PRR5L: variants seen among roughly 807,000 people sequenced by gnomAD.
PRR5L encodes proline-rich protein 5-like.
A neutral mutation model predicts 36.4 loss-of-function variants in PRR5L; 21 were observed. That is an observed-to-expected ratio of 0.58 (90% CI 0.41 to 0.83). The LOEUF is 0.83. Ranked by LOEUF, PRR5L falls within the 40% of genes least tolerant of loss-of-function variation. The pLI is 0.00. For synonymous variants in PRR5L, 188 were observed against 197.0 expected (o/e 0.95, Z 0.38); for missense variants, 381 against 473.3 (o/e 0.80, Z 1.81).
intron 1 of PRR5L, among the ~76,000 whole-genome samples, chr11:36,355,055 T>C (rs1857011993): frequency 6.6e-6 from 1 of 152,188 alleles, no homozygotes; most frequent in Non-Finnish European, 1.5e-5. Context: ...TTAGAATCTG[T>C]TCCTCATTAA....
chr11:36,351,218 A>ATATATATATTTATATATATT (rs1474637146), intron 1 of PRR5L, among the ~76,000 whole-genome samples: 1 of 91,170 alleles, frequency 1.1e-5, no homozygotes, highest in South Asian at 3.5e-4. Context: ...AAATATATAA[A>ATATATATATTTATATATATT]TATATATATT....
chr11:36,348,599 C>T (rs901824766), intron 1 of PRR5L, among the ~76,000 whole-genome samples: 3 of 152,194 alleles, frequency 2.0e-5, no homozygotes, highest in African/African-American at 7.2e-5. Context: ...TCTCACATGG[C>T]TGTGTCATAA....
rs554983720 is a variant in PRR5L, at chr11:36,304,393, G to A, written c.-126+7955G>A. The stretch of plus-strand genomic sequence containing the variant: ...AATGGCAAAAATCCCTGCTCTCATG[G>A]AGCTTTTATTTTAGGGGATATTGTG... On this transcript the variant is annotated intron_variant, in intron 1 of 8. Coordinates refer to ENST00000530639, the MANE Select transcript of PRR5L (RefSeq NM_001160167.2). Among the ~76,000 whole-genome samples the A allele has an allele frequency of 7.0e-4, 106 of 152,258 alleles. 2 individuals are homozygous for A. The South Asian group carries it at 0.017, about 24-fold the overall frequency.
intron 3 of PRR5L, 100 bp downstream of exon 3, chr11:36,403,478 T>TTC (rs1564937945): frequency 3.6e-6 from 3 of 822,924 alleles, no homozygotes; most frequent in Non-Finnish European, 5.7e-6. Context: ...TTTTTTTTTT[T>TTC]TCCTGCTTGA....
intron 3 of PRR5L, among the ~76,000 whole-genome samples, chr11:36,412,068 C>T (rs939148307): frequency 6.6e-6 from 1 of 152,128 alleles, no homozygotes; most frequent in Admixed American, 6.5e-5. Context: ...ATCCTCCCCA[C>T]ATTCTAGGTG....
intron 1 of PRR5L, among the ~76,000 whole-genome samples, chr11:36,353,150 G>C (rs533554300): frequency 3.3e-5 from 5 of 152,056 alleles, no homozygotes; most frequent in Non-Finnish European, 5.9e-5. Flanking sequence ...TGTCTTGCAC[G>C]TCATATGTTC....
At chr11:36,432,282 C>A (rs1858516778) in intron 5 of PRR5L, among the ~76,000 whole-genome samples, 1 of 152,104 alleles carries the variant, frequency 6.6e-6, no homozygotes, top group African/African-American at 2.4e-5. Flanking sequence ...CTGTCCCGAG[C>A]TATTTCCTAC....
chr11:36,345,388 C>T (rs548165950), intron 1 of PRR5L, among the ~76,000 whole-genome samples: 2 of 152,138 alleles, frequency 1.3e-5, no homozygotes, highest in Admixed American at 6.5e-5. Flanking sequence ...GTGTGTAACC[C>T]GCCGTAGGGA....
intron 8 of PRR5L, among the ~76,000 whole-genome samples, chr11:36,461,779 C>A (rs1224540533): frequency 6.6e-6 from 1 of 152,300 alleles, no homozygotes; most frequent in Non-Finnish European, 1.5e-5. Flanking sequence ...GTCTGAGACC[C>A]TTCACCTGGC....
intron 6 of PRR5L, among the ~76,000 whole-genome samples, chr11:36,445,746 T>C (rs566356595): frequency 1.1e-4 from 16 of 152,334 alleles, no homozygotes; most frequent in Non-Finnish European, 1.2e-4. Context: ...TAGAATTTAA[T>C]ACATGTTAGC....
chr11:36,388,698 C>CTTTTTTT (rs36056659), intron 1 of PRR5L, among the ~76,000 whole-genome samples: 11 of 109,128 alleles, frequency 1.0e-4, no homozygotes, highest in East Asian at 5.2e-4. Flanking sequence ...CTCTTTCTTT[C>CTTTTTTT]TTTTTTTTTT....
chr11:36,395,151 C>A (rs1260875859), intron 1 of PRR5L, among the ~76,000 whole-genome samples: 1 of 152,146 alleles, frequency 6.6e-6, no homozygotes, highest in Non-Finnish European at 1.5e-5. Flanking sequence ...CCCACAGATT[C>A]GCTCATTCTT....
intron 1 of PRR5L, among the ~76,000 whole-genome samples, chr11:36,301,423 C>G (rs1311709166): frequency 6.6e-6 from 1 of 152,118 alleles, no homozygotes; most frequent in African/African-American, 2.4e-5. Context: ...GAAGCCCTGG[C>G]TGAGATCATG....
At chr11:36,408,532 A>G (rs546694232) in intron 3 of PRR5L, among the ~76,000 whole-genome samples, 2 of 152,268 alleles carry the variant, frequency 1.3e-5, no homozygotes, top group South Asian at 4.1e-4. Context: ...CTAAATTTCC[A>G]TCTGCCAGAG....
intron 1 of PRR5L, among the ~76,000 whole-genome samples, chr11:36,314,734 A>T (rs760663104): frequency 1.5e-4 from 23 of 152,190 alleles, no homozygotes; most frequent in Non-Finnish European, 3.1e-4. Context: ...AGATTCATTG[A>T]TGTATGAAGA....
intron 1 of PRR5L, among the ~76,000 whole-genome samples, chr11:36,389,757 C>T (rs746834770): frequency 2.0e-5 from 3 of 151,948 alleles, no homozygotes; most frequent in African/African-American, 4.8e-5. Context: ...GGATTACAGG[C>T]GCCCGCCACC....
intron 1 of PRR5L, among the ~76,000 whole-genome samples, chr11:36,319,829 A>G (rs1040152939): frequency 6.6e-6 from 1 of 152,196 alleles, no homozygotes; most frequent in African/African-American, 2.4e-5. Flanking sequence ...ATTTATTATC[A>G]AAATAAAGCA....
At chr11:36,387,873 T>C (rs1038957859) in intron 1 of PRR5L, among the ~76,000 whole-genome samples, 16 of 152,224 alleles carry the variant, frequency 1.1e-4, no homozygotes, top group Non-Finnish European at 7.3e-5. Context: ...GCCTGGTGAA[T>C]TAGTTGCCAA....
At chr11:36,453,784 A>T (rs930441384) in intron 8 of PRR5L, among the ~76,000 whole-genome samples, 2 of 152,170 alleles carry the variant, frequency 1.3e-5, no homozygotes, top group Non-Finnish European at 2.9e-5. Context: ...TTGACTAGGG[A>T]ATCAGGGAAG....
Sources: allele counts gnomAD v4.1 joint callset (sites outside exome capture counted in the v4.1 genomes callset), GRCh38; gene constraint gnomAD v4.1.1; transcripts MANE v1.5; gene names NCBI Gene and HGNC (gene_info 2026-07-23, HGNC 2026-07-21).